Variants in VIPR2 observed in about 807,000 individuals in gnomAD.
VIPR2 encodes vasoactive intestinal peptide receptor 2.
VIPR2 carries 48 observed loss-of-function variants against 58.0 expected under a neutral mutation model. The observed-to-expected ratio is 0.83, with a 90% CI of 0.66 to 1.05. VIPR2 has a LOEUF of 1.05. Among genes scored for constraint, VIPR2 ranks in the 50% least tolerant of loss-of-function variants. The probability of loss-of-function intolerance (pLI) is 0.00; values close to 1 mark genes in which losing one functional copy is unlikely to be tolerated. For synonymous variants in VIPR2, 243 were observed against 235.2 expected, an observed-to-expected ratio of 1.03 and a Z score of -0.30; for missense variants, 534 against 558.0, an observed-to-expected ratio of 0.96 and a Z score of 0.43.
intron 2 of VIPR2, among the ~76,000 whole-genome samples, chr7:159,125,150 G>C (rs1248337063): frequency 6.6e-6 from 1 of 152,102 alleles, no homozygotes; most frequent in African/African-American, 2.4e-5. Context: ...TGACTGCCCT[G>C]GCTAGGACTT....
intron 4 of VIPR2, chr7:159,059,346 T>C (rs1433995041): frequency 2.1e-6 from 1 of 471,428 alleles, no homozygotes; most frequent in Non-Finnish European, 4.4e-6. Flanking sequence ...ATTTTCTTGA[T>C]AAAGCTAATT....
chr7:159,140,265 C>T (rs1340188320), intron 2 of VIPR2, among the ~76,000 whole-genome samples: 1 of 152,178 alleles, frequency 6.6e-6, no homozygotes, highest in Non-Finnish European at 1.5e-5. Context: ...CTCATCTCAC[C>T]TGGCGTCAGG....
chr7:159,055,883 A>G (rs1024326635), intron 5 of VIPR2, among the ~76,000 whole-genome samples: 9 of 152,232 alleles, frequency 5.9e-5, no homozygotes, highest in Admixed American at 2.0e-4. Flanking sequence ...GGATCTGCCA[A>G]TGGGCAATGG....
chr7:159,109,231 T>A (rs890465152), intron 3 of VIPR2, among the ~76,000 whole-genome samples: 1 of 152,220 alleles, frequency 6.6e-6, no homozygotes, highest in Admixed American at 6.5e-5. Context: ...TCTCTCAGGA[T>A]TCAGCCAAGA....
At position 159,030,773 on chromosome 7, in the gene VIPR2, TTCAGC is replaced by T; in HGVS notation, c.1155_1159del (p.Leu386AlafsTer117). The T allele has an allele frequency of 6.3e-7, 1 of 1,595,012 alleles. No individual in the cohort carries two copies. Among genetic ancestry groups the T allele is most frequent in the Non-Finnish European group, 8.5e-7 (1 of 1,171,804 alleles). ...CGGGCACCGGCTTCGCCATTTTCGC[TTCAGC>T]TCGCACTGCACCTGGGAGGTGAGGG... On this transcript the variant is annotated frameshift_variant, in exon 13 of 13. Coordinates refer to ENST00000262178, the MANE Select transcript of VIPR2 (RefSeq NM_003382.5). LOFTEE classifies it low-confidence loss of function (END_TRUNC).
At chr7:159,102,435 C>G (rs1563328876) in intron 4 of VIPR2, among the ~76,000 whole-genome samples, 10 of 152,208 alleles carry the variant, frequency 6.6e-5, no homozygotes. Flanking sequence ...ATAAATTACC[C>G]AATCTCAGAT....
chr7:159,059,369 A>G (rs1855502636), intron 4 of VIPR2: 4 of 471,146 alleles, frequency 8.5e-6, no homozygotes, highest in South Asian at 6.2e-5. Context: ...TATAAAATAA[A>G]GAGGGAAACA....
At chr7:159,102,820 C>A (rs962419425) in intron 4 of VIPR2, among the ~76,000 whole-genome samples, 1 of 152,078 alleles carries the variant, frequency 6.6e-6, no homozygotes, top group Non-Finnish European at 1.5e-5. Context: ...ATGTGGGGAG[C>A]GCGATACTTC....
chr7:159,111,733 G>A (rs1216877998), intron 2 of VIPR2, among the ~76,000 whole-genome samples: 1 of 152,124 alleles, frequency 6.6e-6, no homozygotes, highest in Non-Finnish European at 1.5e-5. Flanking sequence ...AATGGGCTGG[G>A]TGTAGTGACT....
intron 2 of VIPR2, among the ~76,000 whole-genome samples, chr7:159,115,107 G>C (rs1180919111): frequency 6.6e-6 from 1 of 152,238 alleles, no homozygotes; most frequent in Non-Finnish European, 1.5e-5. Context: ...CTAATTAAAA[G>C]GAGATGCAGT....
chr7:159,063,799 T>C (rs561193049), intron 4 of VIPR2, among the ~76,000 whole-genome samples: 75 of 49,450 alleles, frequency 1.5e-3, no homozygotes, highest in African/African-American at 6.4e-3. Flanking sequence ...GGGGTCCTGG[T>C]GGGGTCCGGG....
At chr7:159,035,863 A>G in intron 8 of VIPR2, 89 bp downstream of exon 8, 1 of 1,533,974 alleles carries the variant, frequency 6.5e-7, no homozygotes, top group Non-Finnish European at 8.8e-7. Flanking sequence ...TGTCCTTCCA[A>G]CCAGGTAACC....
chr7:159,030,460 T>C lies in VIPR2; in HGVS notation c.*156A>G, dbSNP rs893565097. ...ATGACAACACGACTCCAATTCCAGG[T>C]ATGGGGTTTAGTGGACAACCAGCTT... On this transcript the variant is annotated 3_prime_UTR_variant, in exon 13 of 13. Coordinates refer to ENST00000262178, the MANE Select transcript of VIPR2 (RefSeq NM_003382.5). 3.1e-5 allele frequency: 24 copies of C among 784,934 alleles called. No homozygotes were observed. The highest frequency in any genetic ancestry group is 4.1e-5 in the Non-Finnish European group (22 of 536,402). 48.6% of individuals were successfully genotyped at this position (784,934 alleles called of 1,614,324 possible).
In VIPR2 at chr7:159,034,669, A is replaced by T. The variant is rs776149910; in HGVS notation, c.810-19T>A. On this transcript the variant is annotated intron_variant, in intron 8 of 12. Transcript: ENST00000262178. ...CCAGCAACTGTCAGAGAGAGATGGG[A>T]AATCAGGTTACCACCAACCACTTTC... 8 of 1,611,694 alleles carry T rather than the reference A, an allele frequency of 5.0e-6. No homozygotes were observed. In the Admixed American group the frequency reaches 1.2e-4, roughly 24 times the overall value.
chr7:159,034,722 C>A, intron 8 of VIPR2, 72 bp from the exon 9 acceptor site: 1 of 1,316,288 alleles, frequency 7.6e-7, no homozygotes, highest in South Asian at 1.2e-5. Context: ...GAATGAGCGC[C>A]TGCCCCTCCC....
chr7:159,100,362 C>T (rs949163695), intron 4 of VIPR2, among the ~76,000 whole-genome samples: 16 of 152,034 alleles, frequency 1.1e-4, no homozygotes, highest in Non-Finnish European at 2.2e-4. Context: ...TGCCAGCCAG[C>T]ACCACCTTAT....
chr7:159,068,930 G>A (rs1036364392), intron 4 of VIPR2, among the ~76,000 whole-genome samples: 1 of 152,190 alleles, frequency 6.6e-6, no homozygotes, highest in Non-Finnish European at 1.5e-5. Flanking sequence ...AGGAAGACAC[G>A]CAGCTACTAA....
intron 2 of VIPR2, among the ~76,000 whole-genome samples, chr7:159,125,768 A>G (rs1268212098): frequency 6.6e-6 from 1 of 152,070 alleles, no homozygotes; most frequent in Admixed American, 6.5e-5. Flanking sequence ...GTCAGCCTGG[A>G]CACTCAGGGC....
At position 159,129,085 on chromosome 7, in the gene VIPR2, G is replaced by C. The variant is rs183821270; in HGVS notation, c.151+13361C>G. 3.4e-3 allele frequency among the ~76,000 whole-genome samples: 511 copies of C among 152,232 alleles called. 7 individuals are homozygous for C. The highest frequency in any genetic ancestry group is 0.011 in the African/African-American group (447 of 41,514). On this transcript the variant is annotated intron_variant, in intron 2 of 12. Transcript: ENST00000262178. Reference sequence around the variant, plus strand: ...AAGAAGAACCCGTCACCACCCGCCTGGGGGGTCAGGGCCAGGTGAGCAGCT... The same window carrying C: ...AAGAAGAACCCGTCACCACCCGCCTCGGGGGTCAGGGCCAGGTGAGCAGCT...
Sources: allele counts gnomAD v4.1 joint callset (sites outside exome capture counted in the v4.1 genomes callset), GRCh38; gene constraint gnomAD v4.1.1; transcripts MANE v1.5; gene names NCBI Gene and HGNC (gene_info 2026-07-23, HGNC 2026-07-21).